NCOA7: variants seen among roughly 807,000 people sequenced by gnomAD.
NCOA7 encodes 140 kDa estrogen receptor-associated protein.
NCOA7 carries 45 observed loss-of-function variants against 104.3 expected under a neutral mutation model. That is an observed-to-expected ratio of 0.43 (90% CI 0.34 to 0.55). The LOEUF (loss-of-function observed/expected upper bound fraction) is 0.55. NCOA7 is among the 20% of genes least tolerant of loss of function. The pLI is 0.02. For synonymous variants in NCOA7, 398 were observed against 402.3 expected (o/e 0.99, Z 0.13); for missense variants, 1,041 against 1,119.7 (o/e 0.93, Z 1.00).
At chr6:125,784,035 A>G (rs1371738812) in intron 1 of NCOA7, among the ~76,000 whole-genome samples, 1 of 152,220 alleles carries the variant, frequency 6.6e-6, no homozygotes, top group Admixed American at 6.5e-5. Flanking sequence ...ATAATTTAAC[A>G]TTTAATTTTT....
intron 10 of NCOA7, among the ~76,000 whole-genome samples, chr6:125,893,101 G>T (rs529600285): frequency 1.3e-5 from 2 of 152,312 alleles, no homozygotes; most frequent in South Asian, 4.1e-4. Context: ...GGGGAGCTAA[G>T]AAGTGGCATG....
At chr6:125,865,949 G>A (rs1383562884) in intron 3 of NCOA7, among the ~76,000 whole-genome samples, 2 of 137,376 alleles carry the variant, frequency 1.5e-5, no homozygotes, top group Non-Finnish European at 3.1e-5. Flanking sequence ...CAGCCTTCCA[G>A]TGTTCTGGGA....
At chr6:125,817,458 A>G (rs1046960958) in intron 2 of NCOA7, among the ~76,000 whole-genome samples, 2 of 152,112 alleles carry the variant, frequency 1.3e-5, no homozygotes, top group African/African-American at 4.8e-5. Flanking sequence ...TATCTTAGCT[A>G]TTCTGATAAG....
At chr6:125,904,115 A>G (rs951697966) in intron 10 of NCOA7, among the ~76,000 whole-genome samples, 2 of 152,076 alleles carry the variant, frequency 1.3e-5, no homozygotes, top group Non-Finnish European at 2.9e-5. Context: ...CAAGTATTTT[A>G]TCTTATGCTT....
intron 2 of NCOA7, chr6:125,818,810 T>C (rs777799441): frequency 5.2e-5 from 8 of 152,394 alleles, no homozygotes; most frequent in Non-Finnish European, 7.3e-5. Flanking sequence ...CAGAACTTAC[T>C]TGAAAGCTGG....
intron 2 of NCOA7, among the ~76,000 whole-genome samples, chr6:125,834,540 C>T (rs923637016): frequency 1.4e-4 from 21 of 152,226 alleles, no homozygotes; most frequent in African/African-American, 5.1e-4. Flanking sequence ...CTCTCAGCTG[C>T]TGCAAGCCAC....
Position 125,928,641 on chromosome 6 carries a change from G to A in NCOA7, c.2699G>A (p.Arg900Gln), listed in dbSNP as rs1377975566. The A allele has an allele frequency of 1.3e-6, 2 of 1,597,988 alleles. No individual in the cohort carries two copies. Among genetic ancestry groups the A allele is most frequent in the South Asian group, 1.1e-5 (1 of 87,682 alleles). ...TTTTTTTTTAACCTTTTCAGGGGAC[G>A]ATTTGGTTTATGGCTAGATGCTGAT... Reference protein sequence around the residue: ...SSLELGGGGGRFGLWLDADLY... With the variant: ...SSLELGGGGGQFGLWLDADLY... The change falls in exon 16 of 16, where the codon CGA (arginine) becomes CAA (glutamine). Residue 900 changes from arginine (R) to glutamine (Q), a missense_variant. By Grantham distance (43) the Arg-to-Gln change is conservative. Transcript: ENST00000392477.
chr6:125,804,849 G>T (rs1776285423), intron 1 of NCOA7, among the ~76,000 whole-genome samples: 1 of 151,972 alleles, frequency 6.6e-6, no homozygotes, highest in Admixed American at 6.6e-5. Context: ...TTTCTGTGAG[G>T]AAATAGATTG....
chr6:125,838,774 A>G (rs1255388508), intron 2 of NCOA7, among the ~76,000 whole-genome samples: 1 of 152,170 alleles, frequency 6.6e-6, no homozygotes, highest in African/African-American at 2.4e-5. Flanking sequence ...GGGGTTTCCC[A>G]TGACCGCCTC....
intron 2 of NCOA7, among the ~76,000 whole-genome samples, chr6:125,835,263 C>G (rs192910374): frequency 3.2e-4 from 48 of 152,288 alleles, no homozygotes; most frequent in Middle Eastern, 6.8e-3. Context: ...CCCAGCTCAG[C>G]CAATCCACAT....
intron 2 of NCOA7, among the ~76,000 whole-genome samples, chr6:125,828,946 G>T (rs892566615): frequency 1.3e-5 from 2 of 152,092 alleles, no homozygotes; most frequent in African/African-American, 2.4e-5. Flanking sequence ...TGGAGCCAGG[G>T]TCTCTTCCTA....
intron 10 of NCOA7, among the ~76,000 whole-genome samples, chr6:125,907,404 C>T (rs1282339515): frequency 6.6e-6 from 1 of 152,180 alleles, no homozygotes; most frequent in Non-Finnish European, 1.5e-5. Flanking sequence ...CCTTCACACT[C>T]CCCAAACACA....
chr6:125,872,507 G>T (rs1411128210), intron 3 of NCOA7, among the ~76,000 whole-genome samples: 1 of 152,084 alleles, frequency 6.6e-6, no homozygotes, highest in East Asian at 1.9e-4. Flanking sequence ...ACAGCAAGAA[G>T]GGCAGAAGTA....
chr6:125,824,322 T>C (rs1327484597), intron 2 of NCOA7, among the ~76,000 whole-genome samples: 1 of 152,166 alleles, frequency 6.6e-6, no homozygotes, highest in Non-Finnish European at 1.5e-5. Context: ...ATGGAACTAT[T>C]GTGGTGAAAC....
chr6:125,887,916 A>G (rs1784369779), intron 8 of NCOA7, among the ~76,000 whole-genome samples: 1 of 152,060 alleles, frequency 6.6e-6, no homozygotes, highest in African/African-American at 2.4e-5. Flanking sequence ...AAGTATTACT[A>G]TTTTTATTTA....
At chr6:125,911,459 G>C (rs1427472943) in intron 10 of NCOA7, among the ~76,000 whole-genome samples, 1 of 152,198 alleles carries the variant, frequency 6.6e-6, no homozygotes, top group Non-Finnish European at 1.5e-5. Flanking sequence ...CTTGCAGGCT[G>C]TGCAGCCCTT....
At chr6:125,836,747 A>G (rs1447832850) in intron 2 of NCOA7, among the ~76,000 whole-genome samples, 2 of 152,204 alleles carry the variant, frequency 1.3e-5, no homozygotes, top group Non-Finnish European at 2.9e-5. Flanking sequence ...CCACATAAAC[A>G]AGTACACATC....
At chr6:125,793,507 C>G (rs114733340) in intron 1 of NCOA7, among the ~76,000 whole-genome samples, 3 of 152,264 alleles carry the variant, frequency 2.0e-5, no homozygotes, top group Non-Finnish European at 2.9e-5. Flanking sequence ...CAACCAAATG[C>G]GCAGTGCCTC....
intron 7 of NCOA7, 196 bp downstream of exon 7, chr6:125,882,747 A>G (rs1783947519): frequency 1.6e-6 from 1 of 613,682 alleles, no homozygotes; most frequent in African/African-American, 1.9e-5. Context: ...CACTGAGTGG[A>G]AATGTGATTC....
Sources: gnomAD v4.1 joint callset for allele counts (sites outside exome capture counted in the v4.1 genomes callset) on GRCh38, gnomAD v4.1.1 for gene constraint, MANE v1.5 for transcripts, NCBI Gene and HGNC (gene_info 2026-07-23, HGNC 2026-07-21) for gene names.